GRM1: variants seen among roughly 807,000 people sequenced by gnomAD.
GRM1 encodes metabotropic glutamate receptor 1.
In GRM1, 33 loss-of-function variants were observed where a neutral mutation model predicts 90.9. The observed-to-expected ratio is 0.36, with a 90% CI of 0.28 to 0.49. GRM1 has a LOEUF of 0.49. GRM1 is among the 20% of genes least tolerant of loss of function. GRM1 has a pLI of 0.99. For synonymous variants in GRM1, 700 were observed against 613.2 expected, an observed-to-expected ratio of 1.14 and a Z score of -2.09; for missense variants, 1,190 against 1,534.3, an observed-to-expected ratio of 0.78 and a Z score of 3.75.
intron 1 of GRM1, among the ~76,000 whole-genome samples, chr6:146,039,886 C>T (rs763043253): frequency 4.6e-5 from 7 of 151,918 alleles, no homozygotes; most frequent in African/African-American, 9.7e-5. Context: ...AAAGAGAAAT[C>T]GCAGACTGGG....
At position 146,302,378 on chromosome 6, in the gene GRM1, C is replaced by CT. The variant is rs1222086596; in HGVS notation, c.951-2222dup. 5.1e-3 allele frequency among the ~76,000 whole-genome samples: 722 copies of CT among 141,306 alleles called. 2 individuals carry two copies. The highest frequency in any genetic ancestry group is 7.2e-3 in the Non-Finnish European group (462 of 64,260). 92.7% of individuals were successfully genotyped at this position (141,306 alleles called of 152,430 possible). On this transcript the variant is annotated intron_variant, in intron 2 of 7. Transcript: ENST00000282753. ...CTATCGCTCCCCATGATACTGGTCA[C>CT]TTTTTTTTTTTGAGACAGGGTCTTG...
chr6:146,281,790 G>A (rs1163485483), intron 2 of GRM1, among the ~76,000 whole-genome samples: 1 of 152,130 alleles, frequency 6.6e-6, no homozygotes, highest in Non-Finnish European at 1.5e-5. Context: ...CTATTAATCT[G>A]TGCTCTAAGT....
rs549141027 is a variant in GRM1, at chr6:146,309,099, A to G, written c.1186+4253A>G. On this transcript the variant is annotated intron_variant, in intron 3 of 7. Transcript: ENST00000282753. ...AGTTAAATTTCTAGAAGTTTAATCA[A>G]GAGATATAAACATTTCTGGCTGGGC... Among the ~76,000 whole-genome samples, 7 of 152,238 alleles carry G rather than the reference A, an allele frequency of 4.6e-5. No homozygotes were observed. The South Asian group carries it at 1.5e-3, about 32-fold the overall frequency.
intron 1 of GRM1, among the ~76,000 whole-genome samples, chr6:146,048,472 T>C (rs9322044): frequency 0.39 from 59,244 of 151,870 alleles, 11,907 homozygotes; most frequent in Middle Eastern, 0.51. Context: ...ATATGCTTTT[T>C]CAAAACATTT....
chr6:146,107,238 G>A (rs1263684017), intron 1 of GRM1, among the ~76,000 whole-genome samples: 1 of 151,828 alleles, frequency 6.6e-6, no homozygotes, highest in South Asian at 2.1e-4. Flanking sequence ...TACTATTATT[G>A]TATATAAGAC....
At chr6:146,040,919 C>T (rs984805847) in intron 1 of GRM1, among the ~76,000 whole-genome samples, 1 of 151,854 alleles carries the variant, frequency 6.6e-6, no homozygotes, top group African/African-American at 2.4e-5. Context: ...ATTTCAGAGG[C>T]ATTCTTTATT....
chr6:146,253,367 C>T (rs976684803), intron 2 of GRM1, among the ~76,000 whole-genome samples: 1 of 152,066 alleles, frequency 6.6e-6, no homozygotes, highest in Non-Finnish European at 1.5e-5. Flanking sequence ...GAATGATTTT[C>T]TGTGAATATG....
At chr6:146,328,622 AT>A (rs1784479101) in intron 3 of GRM1, among the ~76,000 whole-genome samples, 1 of 152,112 alleles carries the variant, frequency 6.6e-6, no homozygotes, top group African/African-American at 2.4e-5. Context: ...ATTCAACACT[AT>A]TTTACTTATC....
chr6:146,057,721 T>TAA (rs1582939757), intron 1 of GRM1, among the ~76,000 whole-genome samples: 2 of 152,242 alleles, frequency 1.3e-5, no homozygotes, highest in East Asian at 3.9e-4. Context: ...TTCCCCATTT[T>TAA]AAACCATGTC....
chr6:146,245,224 A>G (rs1388246450), intron 2 of GRM1, among the ~76,000 whole-genome samples: 1 of 152,196 alleles, frequency 6.6e-6, no homozygotes, highest in Non-Finnish European at 1.5e-5. Context: ...AGGGGCAAGA[A>G]TGGTGATATA....
intron 1 of GRM1, among the ~76,000 whole-genome samples, chr6:146,071,899 T>G (rs1179150636): frequency 6.6e-6 from 1 of 152,120 alleles, no homozygotes; most frequent in Non-Finnish European, 1.5e-5. Flanking sequence ...TGAGGCAACT[T>G]TTTCAATGGA....
In GRM1 at chr6:146,140,332, G is replaced by C. The variant is rs187985004; in HGVS notation, c.701-19016G>C. Among the ~76,000 whole-genome samples, 4 of 151,862 alleles carry C rather than the reference G, an allele frequency of 2.6e-5. No homozygotes were observed. In the East Asian group the frequency reaches 7.8e-4, roughly 30 times the overall value. On this transcript the variant is annotated intron_variant, in intron 1 of 7. Coordinates refer to ENST00000282753, the MANE Select transcript of GRM1 (RefSeq NM_001278064.2). ...TTGCCCAGGCTGGAGTGCAGTGCAC[G>C]ATCTCAGCTCACTGCAACCTCTGCC... is the stretch of plus-strand genomic sequence containing the variant.
chr6:146,331,836 AAAGTC>A (rs1455594895), intron 3 of GRM1, among the ~76,000 whole-genome samples: 1 of 152,176 alleles, frequency 6.6e-6, no homozygotes, highest in Non-Finnish European at 1.5e-5. Flanking sequence ...GTAGCACTAA[AAAGTC>A]TAGTCTAGCC....
At chr6:146,042,558 T>C (rs1791154602) in intron 1 of GRM1, among the ~76,000 whole-genome samples, 1 of 151,926 alleles carries the variant, frequency 6.6e-6, no homozygotes, top group Non-Finnish European at 1.5e-5. Context: ...GTAGTGAAGT[T>C]CGGGAAAGAG....
intron 5 of GRM1, among the ~76,000 whole-genome samples, chr6:146,375,196 G>A (rs918681080): frequency 2.0e-5 from 3 of 151,860 alleles, no homozygotes; most frequent in African/African-American, 4.8e-5. Flanking sequence ...AATTCCTCTT[G>A]TTATTCATTT....
intron 7 of GRM1, among the ~76,000 whole-genome samples, chr6:146,410,917 G>A (rs889508879): frequency 6.6e-6 from 1 of 152,198 alleles, no homozygotes; most frequent in African/African-American, 2.4e-5. Flanking sequence ...ACTTTTGCTA[G>A]GATGGTTAGA....
intron 1 of GRM1, among the ~76,000 whole-genome samples, chr6:146,082,691 G>T (rs867204068): frequency 6.6e-6 from 1 of 151,984 alleles, no homozygotes; most frequent in South Asian, 2.1e-4. Flanking sequence ...TTACCGAATT[G>T]CTCCAACAGC....
At chr6:146,181,259 C>A (rs555146256) in intron 2 of GRM1, among the ~76,000 whole-genome samples, 182 of 151,062 alleles carry the variant, frequency 1.2e-3, no homozygotes, top group African/African-American at 3.3e-3. Flanking sequence ...ACAAAAAAAA[C>A]CACAACAAAA....
chr6:146,058,811 G>T (rs530065564), intron 1 of GRM1, among the ~76,000 whole-genome samples: 1 of 152,238 alleles, frequency 6.6e-6, no homozygotes, highest in Non-Finnish European at 1.5e-5. Flanking sequence ...ACCAGGAGCA[G>T]ATTTTGTCTT....
Sources: allele counts gnomAD v4.1 joint callset (sites outside exome capture counted in the v4.1 genomes callset), GRCh38; gene constraint gnomAD v4.1.1; transcripts MANE v1.5; gene names NCBI Gene and HGNC (gene_info 2026-07-23, HGNC 2026-07-21).